The following RAD51B variants were observed in gnomAD, a reference collection of about 807,000 sequenced individuals.
RAD51B encodes DNA repair protein RAD51 homolog 2.
Under a neutral mutation model 42.2 loss-of-function variants are expected in RAD51B, and 38 were observed. The observed-to-expected ratio is 0.90, with a 90% confidence interval of 0.70 to 1.18. The LOEUF (loss-of-function observed/expected upper bound fraction) is 1.18. RAD51B is among the 50% of genes most tolerant of loss of function. RAD51B has a pLI of 0.00. For synonymous variants in RAD51B, 154 were observed against 145.2 expected, an observed-to-expected ratio of 1.06 and a Z score of -0.43; for missense variants, 373 against 400.7, an observed-to-expected ratio of 0.93 and a Z score of 0.59.
chr14:68,047,309 G>A (rs888993322), intron 7 of RAD51B, among the ~76,000 whole-genome samples: 1 of 152,158 alleles, frequency 6.6e-6, no homozygotes, highest in African/African-American at 2.4e-5. Context: ...TAAACAGAGT[G>A]GGAAGAGAAC....
chr14:68,648,004 C>CATATATATATATATAT (rs374934304), intron 10 of RAD51B, among the ~76,000 whole-genome samples: 27 of 108,706 alleles, frequency 2.5e-4, no homozygotes, highest in African/African-American at 8.1e-4. Context: ...AAAAATTGAG[C>CATATATATATATATAT]ATATATATAT....
At chr14:68,337,144 G>A (rs186605293) in intron 8 of RAD51B, among the ~76,000 whole-genome samples, 7 of 152,254 alleles carry the variant, frequency 4.6e-5, no homozygotes, top group African/African-American at 1.7e-4. Context: ...TTCCTGTGGA[G>A]GGGAGAATTT....
chr14:68,662,022 C>T (rs1892943718), intron 11 of RAD51B, among the ~76,000 whole-genome samples: 1 of 152,226 alleles, frequency 6.6e-6, no homozygotes, highest in African/African-American at 2.4e-5. Context: ...CAGTCCCCTC[C>T]CCCATCCCCA....
At chr14:68,373,837 A>G (rs1201228106) in intron 8 of RAD51B, among the ~76,000 whole-genome samples, 1 of 152,248 alleles carries the variant, frequency 6.6e-6, no homozygotes, top group Non-Finnish European at 1.5e-5. Flanking sequence ...TTCCAAAGCC[A>G]GAGATCTTTC....
At chr14:68,619,328 A>G (rs555054547) in intron 10 of RAD51B, among the ~76,000 whole-genome samples, 1 of 151,078 alleles carries the variant, frequency 6.6e-6, no homozygotes, top group East Asian at 2.0e-4. Context: ...CAAAAAAATT[A>G]TCCAGGCGCC....
chr14:67,910,621 T>C (rs1356690200), intron 7 of RAD51B, among the ~76,000 whole-genome samples: 1 of 151,986 alleles, frequency 6.6e-6, no homozygotes, highest in Non-Finnish European at 1.5e-5. Context: ...ACTGGATTTG[T>C]ATTTTACCAT....
At chr14:68,531,915 TGAAGCTGCAGTAA>T (rs759827486) in intron 10 of RAD51B, among the ~76,000 whole-genome samples, 3 of 152,100 alleles carry the variant, frequency 2.0e-5, no homozygotes, top group Admixed American at 2.0e-4. Context: ...CCTGGGAGGT[TGAAGCTGCAGTAA>T]GACAAGGTGA....
chr14:68,298,182 A>G (rs1006254665), intron 8 of RAD51B, among the ~76,000 whole-genome samples: 1 of 98,996 alleles, frequency 1.0e-5, no homozygotes, highest in African/African-American at 3.0e-5. Flanking sequence ...AAGCTTAAAT[A>G]TTATGTGAGT....
At chr14:68,409,342 CTA>C in intron 8 of RAD51B, among the ~76,000 whole-genome samples, 1 of 152,274 alleles carries the variant, frequency 6.6e-6, no homozygotes, top group Middle Eastern at 3.4e-3. Flanking sequence ...ATGGTAAAGA[CTA>C]TATCTCTTAG....
chr14:67,958,201 T>C (rs1595166534), intron 7 of RAD51B, among the ~76,000 whole-genome samples: 2 of 152,342 alleles, frequency 1.3e-5, no homozygotes, highest in Admixed American at 1.3e-4. Context: ...TTTTGTGTGA[T>C]AGTAACATGG....
chr14:68,567,681 T>TCACGGAC (rs373937829), intron 10 of RAD51B, among the ~76,000 whole-genome samples: 3 of 152,248 alleles, frequency 2.0e-5, no homozygotes, highest in African/African-American at 7.2e-5. Flanking sequence ...ACCCCAGTCA[T>TCACGGAC]CACGGACAAT....
At chr14:67,894,549 T>C (rs920282028) in intron 7 of RAD51B, among the ~76,000 whole-genome samples, 3 of 152,248 alleles carry the variant, frequency 2.0e-5, no homozygotes, top group African/African-American at 7.2e-5. Flanking sequence ...AAGGTAATTG[T>C]AGAGGCAAAT....
intron 7 of RAD51B, among the ~76,000 whole-genome samples, chr14:68,010,154 T>C (rs1277139133): frequency 6.6e-6 from 1 of 151,896 alleles, no homozygotes; most frequent in Non-Finnish European, 1.5e-5. Context: ...CATAATCCAT[T>C]GAATTAAATG....
rs955033879 is a variant in RAD51B, at chr14:68,408,980, A to G, written c.854-2444A>G. Among the ~76,000 whole-genome samples the G allele has an allele frequency of 3.0e-4, 45 of 152,056 alleles. 1 individual carries two copies. The highest frequency in any genetic ancestry group is 1.1e-3 in the African/African-American group (45 of 41,384). On this transcript the variant is annotated intron_variant, in intron 8 of 10. Coordinates refer to ENST00000471583, the MANE Select transcript of RAD51B (RefSeq NM_133510.4). The stretch of plus-strand genomic sequence containing the variant: ...CTAAATCTATAGAGAAAAAAAAAAT[A>G]GGTTAATGGTTGCCAAGAGCTGGAG...
chr14:67,872,464 C>T (rs1595040945), intron 5 of RAD51B, among the ~76,000 whole-genome samples: 1 of 147,054 alleles, frequency 6.8e-6, no homozygotes. Flanking sequence ...GAAGAACATT[C>T]CATGCTCACG....
intron 7 of RAD51B, among the ~76,000 whole-genome samples, chr14:68,030,850 C>T (rs1195063994): frequency 6.6e-6 from 1 of 152,136 alleles, no homozygotes; most frequent in African/African-American, 2.4e-5. Context: ...TTAACGTGAA[C>T]ACCTAGAGGC....
chr14:67,974,203 C>A (rs1471292429), intron 7 of RAD51B, among the ~76,000 whole-genome samples: 1 of 152,054 alleles, frequency 6.6e-6, no homozygotes, highest in Non-Finnish European at 1.5e-5. Flanking sequence ...AGGACCTTGA[C>A]TAGTGTTCTA....
At chr14:68,463,015 T>A in intron 9 of RAD51B, among the ~76,000 whole-genome samples, 1 of 152,150 alleles carries the variant, frequency 6.6e-6, no homozygotes, top group Non-Finnish European at 1.5e-5. Context: ...CCCTGTTGTT[T>A]TATTAAGTAC....
At chr14:68,502,861 T>C (rs1278402093) in intron 10 of RAD51B, among the ~76,000 whole-genome samples, 1 of 152,182 alleles carries the variant, frequency 6.6e-6, no homozygotes, top group Non-Finnish European at 1.5e-5. Context: ...GACTCCTTTA[T>C]CGTGGTTCTC....
Sources: allele counts gnomAD v4.1 joint callset (sites outside exome capture counted in the v4.1 genomes callset), GRCh38; gene constraint gnomAD v4.1.1; transcripts MANE v1.5; gene names NCBI Gene and HGNC (gene_info 2026-07-23, HGNC 2026-07-21).